NOTCH2NLC: variants seen among roughly 807,000 people sequenced by gnomAD.
NOTCH2NLC encodes the protein notch 2 N-terminal like C.
Under a neutral mutation model 17.7 loss-of-function variants are expected in NOTCH2NLC, and 4 were observed. That is an observed-to-expected ratio of 0.23 (90% CI 0.11 to 0.52). The LOEUF is 0.52. NOTCH2NLC is among the 20% of genes least tolerant of loss of function. The pLI, the probability that NOTCH2NLC is intolerant of heterozygous loss-of-function variation, is 0.96. For missense variants in NOTCH2NLC, 57 were observed against 207.2 expected (o/e 0.28, Z 4.45); for synonymous variants, 18 against 86.0 (o/e 0.21, Z 4.38).
intron 2 of NOTCH2NLC, among the ~76,000 whole-genome samples, chr1:149,435,463 G>A (rs1179575515): frequency 2.0e-5 from 3 of 148,970 alleles, no homozygotes; most frequent in African/African-American, 7.4e-5. Context: ...CCCTTAGTCC[G>A]ATGACACAAA....
chr1:149,457,700 C>T (rs1215098131), intron 3 of NOTCH2NLC, among the ~76,000 whole-genome samples: 4 of 145,256 alleles, frequency 2.8e-5, no homozygotes, highest in South Asian at 2.2e-4. Context: ...ACATCCAGCA[C>T]GGGAAAAAGA....
intron 1 of NOTCH2NLC, among the ~76,000 whole-genome samples, chr1:149,412,892 G>T (rs2084307490): frequency 7.1e-6 from 1 of 141,274 alleles, no homozygotes; most frequent in Admixed American, 7.2e-5. Flanking sequence ...AAGACAAGAT[G>T]ACTGACTTTT....
chr1:149,437,797 A>C (rs1445747964), intron 2 of NOTCH2NLC, among the ~76,000 whole-genome samples: 4 of 151,870 alleles, frequency 2.6e-5, no homozygotes, highest in African/African-American at 9.6e-5. Context: ...GATAGACTTA[A>C]GTTTGAGTCC....
At chr1:149,398,660 CCT>C (rs1285691749) in intron 1 of NOTCH2NLC, among the ~76,000 whole-genome samples, 5 of 151,254 alleles carry the variant, frequency 3.3e-5, no homozygotes, top group African/African-American at 4.9e-5. Context: ...GTCCCTTGCC[CCT>C]CTCGCATTTC....
At chr1:149,462,086 C>A (rs2084653652) in intron 3 of NOTCH2NLC, among the ~76,000 whole-genome samples, 1 of 142,572 alleles carries the variant, frequency 7.0e-6, no homozygotes, top group African/African-American at 2.6e-5. Flanking sequence ...ACATATGTAA[C>A]AAACCTGCAT....
At chr1:149,421,539 A>T (rs1322073309) in intron 1 of NOTCH2NLC, among the ~76,000 whole-genome samples, 3 of 140,584 alleles carry the variant, frequency 2.1e-5, no homozygotes, top group Non-Finnish European at 4.7e-5. Flanking sequence ...AAGGGAGTTT[A>T]CTAAAAGCAC....
chr1:149,421,525 TA>T (rs2084379828), intron 1 of NOTCH2NLC, among the ~76,000 whole-genome samples: 1 of 141,284 alleles, frequency 7.1e-6, no homozygotes, highest in Admixed American at 6.9e-5. Context: ...AAAAAAGCTT[TA>T]AAAAGGGAGT....
chr1:149,449,541 C>T lies in NOTCH2NLC; in HGVS notation c.210-5777C>T, dbSNP rs1179357283. 1.3e-4 allele frequency among the ~76,000 whole-genome samples: 20 copies of T among 149,426 alleles called. 1 individual carries two copies. Among genetic ancestry groups the T allele is most frequent in the African/African-American group, 3.9e-4 (16 of 40,738 alleles). On this transcript the variant is annotated intron_variant, in intron 2 of 4. Coordinates refer to ENST00000650865, the MANE Select transcript of NOTCH2NLC (RefSeq NM_001364013.2). ...CTATCTTCAGATTCTTGAAGGGCTA[C>T]GTGTAAGAGAAGCAGAAGGCTTGTT...
At chr1:149,398,263 C>T (rs1459344040) in intron 1 of NOTCH2NLC, among the ~76,000 whole-genome samples, 1 of 150,250 alleles carries the variant, frequency 6.7e-6, no homozygotes, top group Non-Finnish European at 1.5e-5. Context: ...GACAAAAACC[C>T]CTTTGTCTGG....
chr1:149,463,328 T>C (rs1195091971), intron 3 of NOTCH2NLC, among the ~76,000 whole-genome samples, 163 bp from the exon 4 acceptor site: 24 of 150,300 alleles, frequency 1.6e-4, no homozygotes, highest in African/African-American at 5.9e-4. Context: ...TGGAGAGGGC[T>C]CTGTGTCAGA....
At chr1:149,419,328 G>A (rs1413565017) in intron 1 of NOTCH2NLC, among the ~76,000 whole-genome samples, 1 of 150,768 alleles carries the variant, frequency 6.6e-6, no homozygotes, top group Non-Finnish European at 1.5e-5. Context: ...CAAATTAGGT[G>A]TTGCTGCAAA....
intron 1 of NOTCH2NLC, among the ~76,000 whole-genome samples, chr1:149,427,492 CTTTTT>C (rs1171198772): frequency 3.7e-4 from 32 of 87,274 alleles, no homozygotes; most frequent in African/African-American, 1.4e-3. Flanking sequence ...TCTACCACAG[CTTTTT>C]TTTTTTTTTT....
intron 1 of NOTCH2NLC, among the ~76,000 whole-genome samples, chr1:149,395,189 T>C (rs1326803368): frequency 3.5e-5 from 5 of 143,866 alleles, no homozygotes; most frequent in African/African-American, 5.1e-5. Flanking sequence ...TCGTGTATTT[T>C]CATTTATGTG....
At position 149,464,949 on chromosome 1, in the gene NOTCH2NLC, A is replaced by G. The variant is rs1450487073; in HGVS notation, c.*796A>G. 3 of 144,504 alleles carry G rather than the reference A, an allele frequency of 2.1e-5. No individual in the cohort carries two copies. Among genetic ancestry groups the G allele is most frequent in the Non-Finnish European group, 4.6e-5 (3 of 64,832 alleles). 9.0% of individuals were successfully genotyped at this position (144,504 alleles called of 1,614,324 possible). ...TAAAGGTCATAGTTTGGTCCTCAGT[A>G]TAAAATCAACTGGTAATTTGTTCAT... On this transcript the variant is annotated 3_prime_UTR_variant, in exon 5 of 5. Coordinates refer to ENST00000650865, the MANE Select transcript of NOTCH2NLC (RefSeq NM_001364013.2).
At chr1:149,437,147 A>G (rs2084486845) in intron 2 of NOTCH2NLC, among the ~76,000 whole-genome samples, 2 of 143,880 alleles carry the variant, frequency 1.4e-5, no homozygotes, top group Admixed American at 1.4e-4. Flanking sequence ...ACTGACTATA[A>G]TGTGGCCTTC....
At chr1:149,428,930 A>G (rs2084427883) in intron 1 of NOTCH2NLC, among the ~76,000 whole-genome samples, 1 of 148,268 alleles carries the variant, frequency 6.7e-6, no homozygotes, top group Non-Finnish European at 1.5e-5. Context: ...AAAACCCCGG[A>G]AGTTCTCACT....
chr1:149,426,636 C>T (rs1432826626), intron 1 of NOTCH2NLC, among the ~76,000 whole-genome samples: 3 of 122,242 alleles, frequency 2.5e-5, no homozygotes, highest in Non-Finnish European at 4.9e-5. Context: ...ACAGCAGATA[C>T]ACACACAGTA....
intron 1 of NOTCH2NLC, among the ~76,000 whole-genome samples, chr1:149,400,112 TTA>T (rs1213013864): frequency 0.033 from 4,638 of 138,640 alleles, 392 homozygotes; most frequent in East Asian, 0.25. Context: ...GTTGATTTAT[TTA>T]TATATATATA....
Position 149,446,538 on chromosome 1 carries a change from G to A in NOTCH2NLC, c.210-8780G>A, listed in dbSNP as rs1424156739. ...AGATGGGGTTCTCACCATGTTGCCC[G>A]TGTTGCCTAGGCAGGTCTCGAACTT... On this transcript the variant is annotated intron_variant, in intron 2 of 4. Coordinates refer to ENST00000650865, the MANE Select transcript of NOTCH2NLC (RefSeq NM_001364013.2). Among the ~76,000 whole-genome samples, 12 of 150,528 alleles carry A rather than the reference G, an allele frequency of 8.0e-5. 2 individuals carry two copies. Among genetic ancestry groups the A allele is most frequent in the East Asian group, 2.0e-4 (1 of 5,062 alleles).
Sources: allele counts gnomAD v4.1 joint callset (sites outside exome capture counted in the v4.1 genomes callset), GRCh38; gene constraint gnomAD v4.1.1; transcripts MANE v1.5; gene names NCBI Gene and HGNC (gene_info 2026-07-23, HGNC 2026-07-21).